CCSER1: variants seen among roughly 807,000 people sequenced by gnomAD.
CCSER1 encodes the protein coiled-coil serine rich protein 1, also known as serine-rich coiled-coil domain-containing protein 1.
A neutral mutation model predicts 82.0 loss-of-function variants in CCSER1; 41 were observed. The ratio of observed to expected loss-of-function variants is 0.50; its 90% CI spans 0.39 to 0.65. The LOEUF is 0.65. Among genes scored for constraint, CCSER1 ranks in the 30% least tolerant of loss-of-function variants. The pLI, the probability that CCSER1 is intolerant of heterozygous loss-of-function variation, is 0.00. For synonymous variants in CCSER1, 414 were observed against 383.9 expected, an observed-to-expected ratio of 1.08 and a Z score of -0.92; for missense variants, 1,119 against 1,064.2, an observed-to-expected ratio of 1.05 and a Z score of -0.72.
At chr4:90,707,818 A>T (rs2149310564) in intron 6 of CCSER1, among the ~76,000 whole-genome samples, 1 of 152,310 alleles carries the variant, frequency 6.6e-6, no homozygotes. Context: ...CACCTACCTC[A>T]GGCAGCACAG....
chr4:90,956,365 C>A (rs1041419930), intron 9 of CCSER1, among the ~76,000 whole-genome samples: 2 of 152,008 alleles, frequency 1.3e-5, no homozygotes, highest in Admixed American at 1.3e-4. Context: ...GGCAGGATAG[C>A]TAAGGCATAG....
At chr4:91,207,044 T>C (rs1175524881) in intron 10 of CCSER1, among the ~76,000 whole-genome samples, 1 of 151,776 alleles carries the variant, frequency 6.6e-6, no homozygotes, top group African/African-American at 2.4e-5. Context: ...AGATATAAGA[T>C]GGACCATGGA....
intron 10 of CCSER1, among the ~76,000 whole-genome samples, chr4:91,272,919 AT>A (rs1174545245): frequency 6.6e-6 from 1 of 151,876 alleles, no homozygotes; most frequent in African/African-American, 2.4e-5. Flanking sequence ...ATTTGGTTTT[AT>A]TTCTGGGTTC....
intron 10 of CCSER1, among the ~76,000 whole-genome samples, chr4:91,253,001 T>G (rs2149150400): frequency 6.6e-6 from 1 of 151,954 alleles, no homozygotes. Context: ...AAAGGAGAGA[T>G]TGGCAGAATG....
intron 7 of CCSER1, among the ~76,000 whole-genome samples, chr4:90,766,593 A>G (rs1751270456): frequency 6.6e-6 from 1 of 152,138 alleles, no homozygotes; most frequent in Non-Finnish European, 1.5e-5. Flanking sequence ...GCAGTGAGCT[A>G]TGATCATGCC....
chr4:91,100,485 C>T (rs1724950756), intron 10 of CCSER1, among the ~76,000 whole-genome samples: 1 of 152,132 alleles, frequency 6.6e-6, no homozygotes, highest in African/African-American at 2.4e-5. Flanking sequence ...GACTAGTCCA[C>T]ACCATGACAA....
At chr4:91,302,838 C>T (rs1310095036) in intron 10 of CCSER1, among the ~76,000 whole-genome samples, 20 of 149,850 alleles carry the variant, frequency 1.3e-4, no homozygotes, top group South Asian at 4.2e-4. Context: ...ATTTGTAAAT[C>T]GGTGCAAATT....
intron 7 of CCSER1, among the ~76,000 whole-genome samples, chr4:90,764,180 T>C (rs1376657974): frequency 6.6e-6 from 1 of 152,130 alleles, no homozygotes; most frequent in East Asian, 1.9e-4. Context: ...AGTCTTCCCT[T>C]CGAGGTAGAT....
chr4:90,692,167 A>G (rs1736132076), intron 6 of CCSER1, among the ~76,000 whole-genome samples: 2 of 151,404 alleles, frequency 1.3e-5, no homozygotes, highest in Non-Finnish European at 3.0e-5. Context: ...AAAGTTAAAG[A>G]TAAATTACTT....
rs777905253 is a variant in CCSER1 at position 91,268,185 on chromosome 4, A to G, written c.2217+182191A>G. Among the ~76,000 whole-genome samples, 20 of 152,344 alleles carry G rather than the reference A, an allele frequency of 1.3e-4. No homozygotes were observed. The Middle Eastern group carries it at 0.014, about 104-fold the overall frequency. On this transcript the variant is annotated intron_variant, in intron 10 of 10. Coordinates refer to ENST00000509176, the MANE Select transcript of CCSER1 (RefSeq NM_001145065.2). ...TGCATGGTAAATTTCTACTATGTGT[A>G]TAACTATGGCAAATAACATTAGAGG...
intron 8 of CCSER1, among the ~76,000 whole-genome samples, chr4:90,844,426 T>C (rs1004696942): frequency 3.9e-5 from 6 of 152,092 alleles, no homozygotes; most frequent in African/African-American, 1.4e-4. Flanking sequence ...AAGACTACTT[T>C]CCCCTCCCTC....
At chr4:90,749,535 C>G (rs1748188806) in intron 7 of CCSER1, among the ~76,000 whole-genome samples, 1 of 151,916 alleles carries the variant, frequency 6.6e-6, no homozygotes, top group Non-Finnish European at 1.5e-5. Flanking sequence ...TTTTTTGGTT[C>G]CATATGAACT....
intron 3 of CCSER1, among the ~76,000 whole-genome samples, chr4:90,355,252 T>C (rs1744183136): frequency 2.0e-5 from 3 of 151,626 alleles, no homozygotes; most frequent in African/African-American, 7.3e-5. Flanking sequence ...AATAGATACA[T>C]TTCCCAGAAG....
chr4:90,323,151 T>C (rs924080732), intron 3 of CCSER1, among the ~76,000 whole-genome samples: 2 of 152,144 alleles, frequency 1.3e-5, no homozygotes, highest in Non-Finnish European at 2.9e-5. Context: ...CAAAATCCTC[T>C]GTACTCCTCC....
chr4:91,218,267 G>A (rs1023720025), intron 10 of CCSER1, among the ~76,000 whole-genome samples: 6 of 152,196 alleles, frequency 3.9e-5, no homozygotes, highest in African/African-American at 7.2e-5. Context: ...CTCCGAGAGC[G>A]GGGCCCACCA....
chr4:90,893,794 G>GGGGA (rs1561317905), intron 8 of CCSER1, among the ~76,000 whole-genome samples: 1 of 128,926 alleles, frequency 7.8e-6, no homozygotes, highest in Non-Finnish European at 1.8e-5. Context: ...TGTGTGTGTG[G>GGGGA]GGGGTGAATT....
chr4:90,542,743 T>A (rs1474835157), intron 5 of CCSER1, among the ~76,000 whole-genome samples: 1 of 152,150 alleles, frequency 6.6e-6, no homozygotes, highest in African/African-American at 2.4e-5. Context: ...CAATTTTTAT[T>A]GTCCCAGAAA....
chr4:91,052,163 A>G (rs1163802945), intron 9 of CCSER1, among the ~76,000 whole-genome samples: 2 of 152,050 alleles, frequency 1.3e-5, no homozygotes, highest in Admixed American at 1.3e-4. Flanking sequence ...TGTACTCCTT[A>G]ATTTTAATAA....
At chr4:90,288,262 T>C (rs1359541935) in intron 1 of CCSER1, among the ~76,000 whole-genome samples, 2 of 151,882 alleles carry the variant, frequency 1.3e-5, no homozygotes, top group African/African-American at 4.8e-5. Flanking sequence ...GTTATTCCCT[T>C]TACTCACACT....
Sources: allele counts gnomAD v4.1 joint callset (sites outside exome capture counted in the v4.1 genomes callset), GRCh38; gene constraint gnomAD v4.1.1; transcripts MANE v1.5; gene names NCBI Gene and HGNC (gene_info 2026-07-23, HGNC 2026-07-21).